The following C19orf25 variants were observed in gnomAD, a reference collection of about 807,000 sequenced individuals.
C19orf25 encodes the protein UPF0449 protein C19orf25.
Under a neutral mutation model 3.1 loss-of-function variants are expected in C19orf25, and 1 was observed. The observed-to-expected ratio is 0.32, with a 90% confidence interval of 0.12 to 1.54. The LOEUF (loss-of-function observed/expected upper bound fraction) is 1.54. Among genes scored for constraint, C19orf25 ranks in the 40% most tolerant of loss-of-function variants. The probability of loss-of-function intolerance (pLI) is 0.38; values close to 1 mark genes in which losing one functional copy is unlikely to be tolerated. For missense variants in C19orf25, 196 were observed against 160.4 expected, an observed-to-expected ratio of 1.22 and a Z score of -1.20; for synonymous variants, 91 against 74.3, an observed-to-expected ratio of 1.23 and a Z score of -1.16.
chr19:1,476,752 G>C (rs1359323392), intron 2 of C19orf25, among the ~76,000 whole-genome samples: 2 of 152,126 alleles, frequency 1.3e-5, no homozygotes, highest in Non-Finnish European at 2.9e-5. Flanking sequence ...GAGTAGCTAA[G>C]ACCACAGGTG....
At chr19:1,478,427 T>C in intron 2 of C19orf25, 1 of 491,250 alleles carries the variant, frequency 2.0e-6, no homozygotes, top group Non-Finnish European at 3.3e-6. Context: ...GTTTTTGTTT[T>C]TGTTTTTGTT....
Position 1,478,849 on chromosome 19 carries a change from T to C in C19orf25, c.55A>G (p.Thr19Ala), listed in dbSNP as rs1208892582. 1 of 1,594,054 alleles carries C rather than the reference T, an allele frequency of 6.3e-7. No individual in the cohort carries two copies. The highest frequency in any genetic ancestry group is 1.4e-5 in the African/African-American group (1 of 73,738). The change falls in exon 2 of 3, where the codon ACG (threonine) becomes GCG (alanine). Residue 19 changes from threonine (T) to alanine (A), a missense_variant. Transcript: ENST00000585675. ...ACATCCTCCAGGATCTGCTCCACCGTGGGGGGCGCTGGGCGGGTGGGCAGC... is the reference window on the plus strand; with the variant it reads ...ACATCCTCCAGGATCTGCTCCACCGCGGGGGGCGCTGGGCGGGTGGGCAGC... ...VLLPTRPAPP[T>A]VEQILEDVRG...
At chr19:1,479,007 C>G (rs2084236453) in intron 1 of C19orf25, 102 bp from the exon 2 acceptor site, 49 of 1,419,716 alleles carry the variant, frequency 3.5e-5, no homozygotes, top group Non-Finnish European at 4.3e-5. Flanking sequence ...GTCGCGGTCC[C>G]GCTCCCGGGG....
Position 1,474,484 on chromosome 19 carries a change from T to C in C19orf25, c.*548A>G, listed in dbSNP as rs1866154045. The C allele has an allele frequency of 4.5e-6, 1 of 220,556 alleles. No homozygotes were observed. The highest frequency in any genetic ancestry group is 2.3e-5 in the African/African-American group (1 of 43,982). The allele number at this position is 220,556 out of a possible 1,614,324, so 13.7% of individuals were successfully genotyped here. A position where few individuals can be genotyped will look rare whatever the true frequency, so the allele number is the denominator to read the frequency against. The stretch of plus-strand genomic sequence containing the variant: ...TGGCTGGGTCTCAGGGCTGCTTCTC[T>C]TGGGTGACCCCAGCGGCCCAGGGTC... On this transcript the variant is annotated 3_prime_UTR_variant, in exon 3 of 3. Coordinates refer to ENST00000585675, the MANE Select transcript of C19orf25 (RefSeq NM_152482.3).
At chr19:1,478,167 C>G (rs2084225083) in intron 2 of C19orf25, among the ~76,000 whole-genome samples, 1 of 152,102 alleles carries the variant, frequency 6.6e-6, no homozygotes, top group Non-Finnish European at 1.5e-5. Flanking sequence ...CACAGTCTGG[C>G]TGTGTTGCCT....
chr19:1,475,286 C>A (rs190860517), intron 2 of C19orf25, 28 bp from the exon 3 acceptor site: 1 of 1,519,442 alleles, frequency 6.6e-7, no homozygotes. Flanking sequence ...AGCATCACTG[C>A]CTGCTGACCA....
rs1014351776 is a variant in C19orf25 at position 1,473,295 on chromosome 19, GCTGT to G, written c.*1733_*1736del. ...TGGGCTGTGGGCGGGTAGGTTCATC[GCTGT>G]CTATGTGCTGCCACAGAATTGCTGA... is the stretch of plus-strand genomic sequence containing the variant. On this transcript the variant is annotated 3_prime_UTR_variant, in exon 3 of 3. Coordinates refer to ENST00000585675, the MANE Select transcript of C19orf25 (RefSeq NM_152482.3). 1 of 152,284 alleles carries G rather than the reference GCTGT, an allele frequency of 6.6e-6. No homozygotes were observed. The highest frequency in any genetic ancestry group is 1.5e-5 in the Non-Finnish European group (1 of 68,066). 9.4% of individuals were successfully genotyped at this position (152,284 alleles called of 1,614,324 possible).
Position 1,474,725 on chromosome 19 carries a change from C to T in C19orf25, c.*307G>A, listed in dbSNP as rs1568191926. On this transcript the variant is annotated 3_prime_UTR_variant, in exon 3 of 3. Coordinates refer to ENST00000585675, the MANE Select transcript of C19orf25 (RefSeq NM_152482.3). ...GAGGTGGCACCTGCTCCCAGGGGCC[C>T]CACTGCAGAGCACGGCCACTGTGAG... 1.5e-6 allele frequency: 2 copies of T among 1,343,438 alleles called. No homozygotes were observed. Among genetic ancestry groups the T allele is most frequent in the East Asian group, 5.1e-5 (2 of 39,180 alleles). 83.2% of individuals were successfully genotyped at this position (1,343,438 alleles called of 1,614,324 possible).
At chr19:1,478,657 G>A (rs2084231217) in intron 2 of C19orf25, 117 bp downstream of exon 2, 25 of 1,504,406 alleles carry the variant, frequency 1.7e-5, no homozygotes, top group Non-Finnish European at 2.1e-5. Context: ...TACGGACCGT[G>A]CCCATGTTGC....
chr19:1,476,164 A>C, intron 2 of C19orf25: 1 of 398,582 alleles, frequency 2.5e-6, no homozygotes, highest in Non-Finnish European at 4.4e-6. Flanking sequence ...AGCAGCACCG[A>C]CTTCAGGGTC....
chr19:1,477,607 C>G (rs548254661), intron 2 of C19orf25, among the ~76,000 whole-genome samples: 9 of 152,320 alleles, frequency 5.9e-5, no homozygotes, highest in Admixed American at 5.9e-4. Context: ...GGTGTGAGAG[C>G]AGCCACTAAC....
chr19:1,475,032 T>G lies in C19orf25; in HGVS notation c.357A>C (p.Ter119CysextTer124), dbSNP rs774139670. Residue 119 changes from the stop codon to cysteine (C), a stop_lost, in exon 3 of 3, where the codon TGA (stop) becomes TGC (cysteine). Coordinates refer to ENST00000585675, the MANE Select transcript of C19orf25 (RefSeq NM_152482.3). Reference sequence around the variant, plus strand: ...GCCCAAGCCTGCAGGCCCCGAGAGGTCAGCCTGAGGAGGCAGCCTCGGCTG... The same window carrying G: ...GCCCAAGCCTGCAGGCCCCGAGAGGGCAGCCTGAGGAGGCAGCCTCGGCTG... ...LPAAEAASSG[*>C] 1 of 1,583,766 alleles carries G rather than the reference T, an allele frequency of 6.3e-7. No individual in the cohort carries two copies. The highest frequency in any genetic ancestry group is 1.8e-5 in the Admixed American group (1 of 56,726).
intron 2 of C19orf25, chr19:1,478,370 A>T (rs56387929): frequency 4.8e-5 from 16 of 336,668 alleles, no homozygotes; most frequent in Non-Finnish European, 6.9e-5. Context: ...CCTCCCGAGT[A>T]GCTGAGATTA....
At chr19:1,478,649 C>G (rs1325569748) in intron 2 of C19orf25, 125 bp downstream of exon 2, 1 of 1,494,666 alleles carries the variant, frequency 6.7e-7, no homozygotes, top group South Asian at 1.3e-5. Flanking sequence ...GGAGAGGATA[C>G]GGACCGTGCC....
chr19:1,477,536 T>C (rs1388992816), intron 2 of C19orf25, among the ~76,000 whole-genome samples: 1 of 152,042 alleles, frequency 6.6e-6, no homozygotes. Context: ...AAATCAGGAG[T>C]GGACAAGCTT....
rs1660888562 is a variant in C19orf25, at chr19:1,474,539, G to A, written c.*493C>T. The A allele has an allele frequency of 2.9e-6, 1 of 348,112 alleles. No homozygotes were observed. The highest frequency in any genetic ancestry group is 5.2e-6 in the Non-Finnish European group (1 of 191,400). The allele number at this position is 348,112 out of a possible 1,614,324, so 21.6% of individuals were successfully genotyped here. On this transcript the variant is annotated 3_prime_UTR_variant, in exon 3 of 3. Coordinates refer to ENST00000585675, the MANE Select transcript of C19orf25 (RefSeq NM_152482.3). ...TGAAGATCAACGTGGCTTGTGGGAGGAGCCCGGGGCCCAGAAGGAAGTGGG... is the reference window on the plus strand; with the variant it reads ...TGAAGATCAACGTGGCTTGTGGGAGAAGCCCGGGGCCCAGAAGGAAGTGGG...
chr19:1,477,135 G>A (rs1028800239), intron 2 of C19orf25, among the ~76,000 whole-genome samples: 5 of 152,136 alleles, frequency 3.3e-5, no homozygotes, highest in Admixed American at 2.0e-4. Context: ...AAGTAGCAGG[G>A]ATTACAGGCA....
chr19:1,479,188 C>T lies in C19orf25; in HGVS notation c.-28G>A. 1.6e-6 allele frequency: 2 copies of T among 1,269,170 alleles called. No individual in the cohort carries two copies. Among genetic ancestry groups the T allele is most frequent in the Non-Finnish European group, 9.9e-7 (1 of 1,007,662 alleles). The allele number at this position is 1,269,170 out of a possible 1,614,324, so 78.6% of individuals were successfully genotyped here. A position where few individuals can be genotyped will look rare whatever the true frequency, so the allele number is the denominator to read the frequency against. On this transcript the variant is annotated 5_prime_UTR_variant, in exon 1 of 3. Coordinates refer to ENST00000585675, the MANE Select transcript of C19orf25 (RefSeq NM_152482.3). ...CTGGGCGCGGGACCCGAAAGCCCAG[C>T]GTCGACGACGCAGCCACTTCCGATT... is the stretch of plus-strand genomic sequence containing the variant.
intron 1 of C19orf25, 106 bp from the exon 2 acceptor site, chr19:1,479,011 C>T (rs2084236536): frequency 7.1e-7 from 1 of 1,417,580 alleles, no homozygotes; most frequent in South Asian, 1.5e-5. Flanking sequence ...CGGTCCCGCT[C>T]CCGGGGAAGC....
Sources: gnomAD v4.1 joint callset for allele counts (sites outside exome capture counted in the v4.1 genomes callset) on GRCh38, gnomAD v4.1.1 for gene constraint, MANE v1.5 for transcripts, NCBI Gene and HGNC (gene_info 2026-07-23, HGNC 2026-07-21) for gene names.